Variants in ZMIZ1 observed in about 807,000 individuals in gnomAD.
ZMIZ1 encodes the protein zinc finger MIZ domain-containing protein 1.
A neutral mutation model predicts 113.9 loss-of-function variants in ZMIZ1; 17 were observed. The ratio of observed to expected loss-of-function variants is 0.15; its 90% CI spans 0.10 to 0.22. The LOEUF (loss-of-function observed/expected upper bound fraction) is 0.22. Among genes scored for constraint, ZMIZ1 ranks in the 10% least tolerant of loss-of-function variants. The pLI is 1.00. For synonymous variants in ZMIZ1, 607 were observed against 603.1 expected (o/e 1.01, Z -0.09); for missense variants, 1,059 against 1,477.8 (o/e 0.72, Z 4.65).
intron 7 of ZMIZ1, among the ~76,000 whole-genome samples, chr10:79,250,336 G>A (rs1023304767): frequency 2.0e-5 from 3 of 152,210 alleles, no homozygotes; most frequent in Non-Finnish European, 2.9e-5. Context: ...GGAGGGTGGT[G>A]CCATCTGGGG....
chr10:79,135,992 G>A (rs994244473), intron 2 of ZMIZ1, among the ~76,000 whole-genome samples: 2 of 152,182 alleles, frequency 1.3e-5, no homozygotes, highest in African/African-American at 4.8e-5. Flanking sequence ...AGGCCGCTGG[G>A]GCTGAGGGCA....
In ZMIZ1 at chr10:79,314,449, AG is replaced by A. The variant is rs1208334178; in HGVS notation, c.*1702del. 2.9e-6 allele frequency: 1 copy of A among 347,230 alleles called. No homozygotes were observed. The highest frequency in any genetic ancestry group is 2.1e-5 in the African/African-American group (1 of 46,588). The allele number at this position is 347,230 out of a possible 1,614,324, so 21.5% of individuals were successfully genotyped here. A position where few individuals can be genotyped will look rare whatever the true frequency, so the allele number is the denominator to read the frequency against. On this transcript the variant is annotated 3_prime_UTR_variant, in exon 25 of 25. Coordinates refer to ENST00000334512, the MANE Select transcript of ZMIZ1 (RefSeq NM_020338.4). ...TCCCAGACGGCACAAGGTTTTCTGTAGGAAAGCTGCCATTGCCCCGGCCCCT... is the reference window on the plus strand; with the variant it reads ...TCCCAGACGGCACAAGGTTTTCTGTAGAAAGCTGCCATTGCCCCGGCCCCT...
chr10:79,099,661 C>G (rs900006437), intron 1 of ZMIZ1, among the ~76,000 whole-genome samples: 1 of 152,152 alleles, frequency 6.6e-6, no homozygotes, highest in Non-Finnish European at 1.5e-5. Flanking sequence ...CAAGTCCCTG[C>G]ACTTGTTGGG....
At chr10:79,311,567 G>C (rs1047064274) in intron 24 of ZMIZ1, among the ~76,000 whole-genome samples, 1 of 152,038 alleles carries the variant, frequency 6.6e-6, no homozygotes, top group Non-Finnish European at 1.5e-5. Context: ...GGGAGAGGCC[G>C]TCTGTCTGCC....
At chr10:79,168,108 G>A (rs1246597145) in intron 4 of ZMIZ1, among the ~76,000 whole-genome samples, 2 of 152,196 alleles carry the variant, frequency 1.3e-5, no homozygotes, top group Non-Finnish European at 2.9e-5. Context: ...TTTCCTCTTT[G>A]TTACCTGCAA....
At chr10:79,269,456 AACAC>A (rs55634343) in intron 7 of ZMIZ1, among the ~76,000 whole-genome samples, 7,438 of 138,520 alleles carry the variant, frequency 0.054, 217 homozygotes, top group South Asian at 0.087. Flanking sequence ...ACCTCCCCCC[AACAC>A]ACACACACAC....
At chr10:79,266,530 C>T (rs1351596947) in intron 7 of ZMIZ1, among the ~76,000 whole-genome samples, 1 of 152,218 alleles carries the variant, frequency 6.6e-6, no homozygotes, top group Non-Finnish European at 1.5e-5. Flanking sequence ...GTTAGATCCT[C>T]ATCCACAGCA....
At chr10:79,311,304 G>GGGGGGGGGGGGGGGGGGGGGGGC in intron 24 of ZMIZ1, 120 bp downstream of exon 24, 1 of 359,152 alleles carries the variant, frequency 2.8e-6, no homozygotes, top group Non-Finnish European at 5.5e-6. Flanking sequence ...TGGGCGGTGG[G>GGGGGGGGGGGGGGGGGGGGGGGC]AGGGCTTCAC....
chr10:79,173,402 C>T (rs1265571676), intron 4 of ZMIZ1, among the ~76,000 whole-genome samples: 1 of 152,122 alleles, frequency 6.6e-6, no homozygotes, highest in Non-Finnish European at 1.5e-5. Flanking sequence ...ATGTCCCTGG[C>T]CTAGAGGCTC....
At chr10:79,187,090 C>T (rs1327132050) in intron 4 of ZMIZ1, among the ~76,000 whole-genome samples, 1 of 152,248 alleles carries the variant, frequency 6.6e-6, no homozygotes, top group African/African-American at 2.4e-5. Flanking sequence ...GGATTTTAGG[C>T]TTCTGGAAAT....
intron 7 of ZMIZ1, among the ~76,000 whole-genome samples, chr10:79,270,593 T>C (rs1851888397): frequency 6.6e-6 from 1 of 152,176 alleles, no homozygotes; most frequent in South Asian, 2.1e-4. Flanking sequence ...GTGATCTTGG[T>C]TAAGTCACGG....
rs147698181 is a variant in ZMIZ1, at chr10:79,173,801, G to A, written c.-50+11668G>A. 8.2e-3 allele frequency among the ~76,000 whole-genome samples: 1,252 copies of A among 152,248 alleles called. 11 individuals carry two copies. The highest frequency in any genetic ancestry group is 0.011 in the Non-Finnish European group (724 of 68,014). ...TATGAGTAAACTGAAGAACAGAGAC[G>A]CTAGGTAATATGCTCGTGATCACAC... On this transcript the variant is annotated intron_variant, in intron 4 of 24. Transcript: ENST00000334512.
intron 1 of ZMIZ1, among the ~76,000 whole-genome samples, chr10:79,099,249 C>T (rs1843272852): frequency 6.6e-6 from 1 of 152,118 alleles, no homozygotes; most frequent in Non-Finnish European, 1.5e-5. Context: ...CGTGAGGCCC[C>T]GGGAGTCGGT....
intron 1 of ZMIZ1, among the ~76,000 whole-genome samples, chr10:79,091,900 T>C (rs1190428999): frequency 6.6e-6 from 1 of 152,130 alleles, no homozygotes; most frequent in Admixed American, 6.5e-5. Flanking sequence ...TTAGGAGATT[T>C]AGTGACAGGG....
chr10:79,114,494 C>CGTGTGTGTGTGTGCGT (rs369818551), intron 1 of ZMIZ1, among the ~76,000 whole-genome samples: 3 of 114,342 alleles, frequency 2.6e-5, no homozygotes, highest in Non-Finnish European at 3.5e-5. Context: ...TGTGTGTGTG[C>CGTGTGTGTGTGTGCGT]GTGTGTGTGT....
At chr10:79,111,950 T>C (rs1843761323) in intron 1 of ZMIZ1, among the ~76,000 whole-genome samples, 2 of 152,232 alleles carry the variant, frequency 1.3e-5, no homozygotes, top group African/African-American at 4.8e-5. Flanking sequence ...AATTGGGAGC[T>C]ACAGCTTGAC....
At chr10:79,250,123 G>A (rs1850457600) in intron 7 of ZMIZ1, among the ~76,000 whole-genome samples, 2 of 152,218 alleles carry the variant, frequency 1.3e-5, no homozygotes, top group African/African-American at 4.8e-5. Context: ...ACTGTCAGGT[G>A]GATTCATCCC....
intron 2 of ZMIZ1, among the ~76,000 whole-genome samples, chr10:79,119,526 C>G (rs911301862): frequency 3.3e-5 from 5 of 152,220 alleles, no homozygotes; most frequent in African/African-American, 1.2e-4. Flanking sequence ...AGGCGGCACA[C>G]CTGGCTGAGC....
intron 2 of ZMIZ1, among the ~76,000 whole-genome samples, chr10:79,123,671 T>C (rs1844393860): frequency 1.3e-5 from 2 of 152,228 alleles, no homozygotes; most frequent in African/African-American, 4.8e-5. Context: ...CTCAGAGCTC[T>C]GTGGGCAGCC....
Sources: gnomAD v4.1 joint callset for allele counts (sites outside exome capture counted in the v4.1 genomes callset) on GRCh38, gnomAD v4.1.1 for gene constraint, MANE v1.5 for transcripts, NCBI Gene and HGNC (gene_info 2026-07-23, HGNC 2026-07-21) for gene names.